SSBP2: variants seen among roughly 807,000 people sequenced by gnomAD.
The protein encoded by SSBP2 is single stranded DNA binding protein 2.
SSBP2 carries 17 observed loss-of-function variants against 61.8 expected under a neutral mutation model. That is an observed-to-expected ratio of 0.28 (90% CI 0.19 to 0.41). The LOEUF (loss-of-function observed/expected upper bound fraction) is 0.41. Among genes scored for constraint, SSBP2 ranks in the 10% least tolerant of loss-of-function variants. SSBP2 has a pLI of 1.00. For synonymous variants in SSBP2, 139 were observed against 141.3 expected (o/e 0.98, Z 0.12); for missense variants, 310 against 458.7 (o/e 0.68, Z 2.96).
intron 4 of SSBP2, among the ~76,000 whole-genome samples, chr5:81,542,801 A>G (rs1430084209): frequency 5.4e-5 from 7 of 130,750 alleles, no homozygotes; most frequent in South Asian, 4.7e-4. Flanking sequence ...GATGGTTTTT[A>G]TAAGTATTTG....
At chr5:81,432,795 G>T (rs549634685) in intron 15 of SSBP2, among the ~76,000 whole-genome samples, 1 of 124,102 alleles carries the variant, frequency 8.1e-6, no homozygotes, top group Non-Finnish European at 1.7e-5. Context: ...TGCCCCGTCC[G>T]GGAGGGAGGT....
chr5:81,529,966 A>C (rs1270277988), intron 4 of SSBP2, among the ~76,000 whole-genome samples: 1 of 152,122 alleles, frequency 6.6e-6, no homozygotes, highest in Admixed American at 6.6e-5. Context: ...AAGGCAGAGA[A>C]ACCAGCATTT....
chr5:81,735,464 T>C (rs926094732), intron 1 of SSBP2, among the ~76,000 whole-genome samples: 1 of 152,226 alleles, frequency 6.6e-6, no homozygotes, highest in Admixed American at 6.5e-5. Context: ...GCATATAACC[T>C]ATGTACATCC....
intron 4 of SSBP2, among the ~76,000 whole-genome samples, chr5:81,548,209 T>C (rs1771892320): frequency 6.6e-6 from 1 of 152,182 alleles, no homozygotes; most frequent in Non-Finnish European, 1.5e-5. Flanking sequence ...TATTAGGGTA[T>C]ACATAATGTA....
chr5:81,503,135 GA>G (rs1767922433), intron 5 of SSBP2, among the ~76,000 whole-genome samples: 1 of 151,992 alleles, frequency 6.6e-6, no homozygotes, highest in Non-Finnish European at 1.5e-5. Flanking sequence ...ACACCAGTCA[GA>G]ATGGCTATTA....
chr5:81,650,918 A>G (rs1749671007), intron 1 of SSBP2, among the ~76,000 whole-genome samples: 1 of 152,158 alleles, frequency 6.6e-6, no homozygotes, highest in South Asian at 2.1e-4. Context: ...AGCATTATGT[A>G]AACTTTAAAG....
intron 1 of SSBP2, among the ~76,000 whole-genome samples, chr5:81,671,276 A>C (rs1370568758): frequency 2.6e-5 from 4 of 152,100 alleles, no homozygotes; most frequent in Non-Finnish European, 5.9e-5. Flanking sequence ...AATCAGAATC[A>C]CAGGGTATTT....
At chr5:81,644,692 A>C (rs1025856794) in intron 2 of SSBP2, among the ~76,000 whole-genome samples, 1 of 152,198 alleles carries the variant, frequency 6.6e-6, no homozygotes, top group Non-Finnish European at 1.5e-5. Context: ...AGAAAAACAG[A>C]AAACTTCAGG....
intron 1 of SSBP2, among the ~76,000 whole-genome samples, chr5:81,650,751 T>C (rs1749654499): frequency 1.3e-5 from 2 of 152,260 alleles, no homozygotes; most frequent in South Asian, 2.1e-4. Flanking sequence ...TTGGCGAATG[T>C]TAATATAAAC....
intron 4 of SSBP2, among the ~76,000 whole-genome samples, chr5:81,566,127 A>AAGT (rs1773403822): frequency 1.3e-5 from 2 of 152,200 alleles, no homozygotes; most frequent in South Asian, 4.1e-4. Flanking sequence ...TGTTAAAGAC[A>AAGT]AGTAGAAGTA....
At chr5:81,577,343 C>G (rs1441598051) in intron 4 of SSBP2, among the ~76,000 whole-genome samples, 1 of 152,000 alleles carries the variant, frequency 6.6e-6, no homozygotes, top group African/African-American at 2.4e-5. Flanking sequence ...TTCTGAAAGA[C>G]TGGCTTGTCC....
At chr5:81,441,659 T>C (rs79713411) in intron 13 of SSBP2, among the ~76,000 whole-genome samples, 3,639 of 152,282 alleles carry the variant, frequency 0.024, 155 homozygotes, top group African/African-American at 0.081. Flanking sequence ...GTGAATAAGA[T>C]GGCCTTCTAT....
chr5:81,639,362 G>A (rs1287088877), intron 2 of SSBP2, among the ~76,000 whole-genome samples: 1 of 152,160 alleles, frequency 6.6e-6, no homozygotes, highest in Non-Finnish European at 1.5e-5. Flanking sequence ...TTGCATGGAT[G>A]TCTGAATAAG....
chr5:81,681,118 T>A (rs1752347597), intron 1 of SSBP2, among the ~76,000 whole-genome samples: 1 of 152,150 alleles, frequency 6.6e-6, no homozygotes, highest in Non-Finnish European at 1.5e-5. Context: ...ACCATAAAGA[T>A]AACTGGAAAA....
chr5:81,650,137 A>G (rs1354321541), intron 2 of SSBP2, 130 bp downstream of exon 2: 2 of 588,004 alleles, frequency 3.4e-6, no homozygotes, highest in African/African-American at 4.0e-5. Flanking sequence ...TAAAAACTAT[A>G]CTATGTATAC....
intron 6 of SSBP2, among the ~76,000 whole-genome samples, chr5:81,475,189 A>G (rs1387471006): frequency 1.3e-5 from 2 of 152,190 alleles, no homozygotes; most frequent in Admixed American, 1.3e-4. Flanking sequence ...AGCAGTACTT[A>G]AAGCTGGATT....
intron 3 of SSBP2, 165 bp downstream of exon 3, chr5:81,636,392 A>C: frequency 4.1e-6 from 2 of 490,682 alleles, no homozygotes; most frequent in Non-Finnish European, 7.3e-6. Context: ...ATTTAAGTTA[A>C]ATTACACTAG....
intron 4 of SSBP2, among the ~76,000 whole-genome samples, chr5:81,604,018 G>A (rs183218857): frequency 2.0e-5 from 3 of 152,138 alleles, no homozygotes; most frequent in East Asian, 1.9e-4. Context: ...TATATTAAAC[G>A]CTGTACTACT....
At chr5:81,743,119 A>T (rs1757138985) in intron 1 of SSBP2, among the ~76,000 whole-genome samples, 1 of 152,192 alleles carries the variant, frequency 6.6e-6, no homozygotes, top group Admixed American at 6.5e-5. Context: ...TTGAAAGATA[A>T]AAGATATCAA....
Sources: allele counts gnomAD v4.1 joint callset (sites outside exome capture counted in the v4.1 genomes callset), GRCh38; gene constraint gnomAD v4.1.1; transcripts MANE v1.5; gene names NCBI Gene and HGNC (gene_info 2026-07-23, HGNC 2026-07-21).